Variants in GRIA2 observed in about 807,000 individuals in gnomAD.
The protein encoded by GRIA2 is glutamate receptor 2.
In GRIA2, 14 loss-of-function variants were observed where a neutral mutation model predicts 97.3. That is an observed-to-expected ratio of 0.14 (90% CI 0.10 to 0.23). The LOEUF is 0.23. Among genes scored for constraint, GRIA2 ranks in the 10% least tolerant of loss-of-function variants. The pLI is 1.00. For missense variants in GRIA2, 558 were observed against 1,069.8 expected (o/e 0.52, Z 6.67); for synonymous variants, 412 against 387.8 (o/e 1.06, Z -0.73).
Position 157,365,790 on chromosome 4 carries a change from CA to C in GRIA2, c.*2363del, listed in dbSNP as rs1560787019. 6.6e-6 allele frequency: 1 copy of C among 151,718 alleles called. No individual in the cohort carries two copies. The highest frequency in any genetic ancestry group is 2.4e-5 in the African/African-American group (1 of 41,334). The allele number at this position is 151,718 out of a possible 1,614,324, so 9.4% of individuals were successfully genotyped here. The stretch of plus-strand genomic sequence containing the variant: ...TATATAAAAACTGTTATGGAAAGAC[CA>C]AAATGTTTATGAACTATTCTTATGT... On this transcript the variant is annotated 3_prime_UTR_variant, in exon 16 of 16. Coordinates refer to ENST00000264426, the MANE Select transcript of GRIA2 (RefSeq NM_001083619.3).
chr4:157,283,685 C>G (rs1017556085), intron 2 of GRIA2, among the ~76,000 whole-genome samples: 1 of 151,806 alleles, frequency 6.6e-6, no homozygotes, highest in Non-Finnish European at 1.5e-5. Flanking sequence ...ATTCTGTAAT[C>G]TAATTTTCCT....
intron 2 of GRIA2, 137 bp downstream of exon 2, chr4:157,221,944 G>A (rs1273710370): frequency 2.0e-5 from 15 of 738,778 alleles, no homozygotes; most frequent in Admixed American, 6.8e-5. Context: ...GCACACACGC[G>A]TGCGTGTGAC....
At position 157,354,374 on chromosome 4, in the gene GRIA2, A is replaced by G. The variant is rs72962901; in HGVS notation, c.2044-5522A>G. On this transcript the variant is annotated intron_variant, in intron 12 of 15. Coordinates refer to ENST00000264426, the MANE Select transcript of GRIA2 (RefSeq NM_001083619.3). ...TATTCAGGCGTGCTTAATTTATATG[A>G]AATGTTTCTTCAACAATGCTAGACA... Among the ~76,000 whole-genome samples the G allele has an allele frequency of 2.1e-3, 315 of 152,306 alleles. 1 individual carries two copies. The highest frequency in any genetic ancestry group is 7.3e-3 in the African/African-American group (305 of 41,568).
At chr4:157,300,258 G>A (rs1733557076) in intron 2 of GRIA2, among the ~76,000 whole-genome samples, 1 of 152,018 alleles carries the variant, frequency 6.6e-6, no homozygotes, top group Admixed American at 6.5e-5. Context: ...TCTTGTGAAA[G>A]GTGTCAGTAG....
chr4:157,245,557 AG>A (rs1274124274), intron 2 of GRIA2, among the ~76,000 whole-genome samples: 1 of 152,062 alleles, frequency 6.6e-6, no homozygotes. Flanking sequence ...GTTTAGGGGA[AG>A]CTTCCTTGTA....
At chr4:157,254,539 T>C (rs935979192) in intron 2 of GRIA2, among the ~76,000 whole-genome samples, 1 of 151,944 alleles carries the variant, frequency 6.6e-6, no homozygotes, top group African/African-American at 2.4e-5. Flanking sequence ...CAACTCAATA[T>C]GAAAATGGTC....
chr4:157,241,582 C>A lies in GRIA2; in HGVS notation c.229+19775C>A, dbSNP rs564000799. On this transcript the variant is annotated intron_variant, in intron 2 of 15. Transcript: ENST00000264426. The stretch of plus-strand genomic sequence containing the variant: ...ACATAGACAAAAAAGATCATACATC[C>A]TTTTTTTCTGATATTGTAGCTTTAA... 3.3e-5 allele frequency among the ~76,000 whole-genome samples: 5 copies of A among 152,078 alleles called. No homozygotes were observed. The South Asian group carries it at 6.2e-4, about 19-fold the overall frequency.
chr4:157,323,132 G>C (rs564885930), intron 6 of GRIA2, among the ~76,000 whole-genome samples: 7 of 151,736 alleles, frequency 4.6e-5, no homozygotes, highest in Admixed American at 2.0e-4. Flanking sequence ...TCAGGAGATC[G>C]AGACCATCCT....
At chr4:157,350,140 T>G (rs1735944816) in intron 12 of GRIA2, among the ~76,000 whole-genome samples, 1 of 152,170 alleles carries the variant, frequency 6.6e-6, no homozygotes, top group Non-Finnish European at 1.5e-5. Flanking sequence ...CTAAGTATTT[T>G]CATTTATTTG....
chr4:157,230,239 A>G (rs1349483180), intron 2 of GRIA2, among the ~76,000 whole-genome samples: 1 of 151,584 alleles, frequency 6.6e-6, no homozygotes, highest in Non-Finnish European at 1.5e-5. Context: ...TATTCAAGAT[A>G]TTGCAGTAAG....
At chr4:157,227,999 T>G (rs1275358755) in intron 2 of GRIA2, among the ~76,000 whole-genome samples, 1 of 152,234 alleles carries the variant, frequency 6.6e-6, no homozygotes, top group East Asian at 1.9e-4. Context: ...ACCTATTATT[T>G]TTCAGTGCTA....
rs757498525 is a variant in GRIA2, at chr4:157,312,670, C to G, written c.470-9C>G. On this transcript the variant is annotated splice_polypyrimidine_tract_variant and intron_variant, in intron 3 of 15. Coordinates refer to ENST00000264426, the MANE Select transcript of GRIA2 (RefSeq NM_001083619.3). Reference sequence around the variant, plus strand: ...CTTTATCAGTCATCATTTTTCTTTGCCTTCCTAGGCTTATCAACACTGCAA... The same window carrying G: ...CTTTATCAGTCATCATTTTTCTTTGGCTTCCTAGGCTTATCAACACTGCAA... 4 of 1,508,628 alleles carry G rather than the reference C, an allele frequency of 2.7e-6. No homozygotes were observed. In the South Asian group the frequency reaches 3.9e-5, roughly 15 times the overall value. The allele number at this position is 1,508,628 out of a possible 1,614,324, so 93.5% of individuals were successfully genotyped here. A position where few individuals can be genotyped will look rare whatever the true frequency, so the allele number is the denominator to read the frequency against.
intron 2 of GRIA2, among the ~76,000 whole-genome samples, chr4:157,260,229 C>T (rs1233337756): frequency 6.6e-6 from 1 of 152,106 alleles, no homozygotes; most frequent in Non-Finnish European, 1.5e-5. Context: ...CATTCTCTCT[C>T]TCCCAGACAT....
chr4:157,322,463 T>C (rs950316640), intron 6 of GRIA2, among the ~76,000 whole-genome samples: 4 of 152,210 alleles, frequency 2.6e-5, no homozygotes, highest in Non-Finnish European at 4.4e-5. Context: ...TGATCTTTGT[T>C]CTCCATGGGT....
chr4:157,228,741 C>T (rs980548968), intron 2 of GRIA2, among the ~76,000 whole-genome samples: 2 of 127,318 alleles, frequency 1.6e-5, no homozygotes, highest in Non-Finnish European at 3.1e-5. Flanking sequence ...TGCAGTGAGC[C>T]GAGATAGCAC....
At chr4:157,301,338 A>G (rs1733606917) in intron 2 of GRIA2, among the ~76,000 whole-genome samples, 1 of 152,242 alleles carries the variant, frequency 6.6e-6, no homozygotes, top group South Asian at 2.1e-4. Flanking sequence ...TCAACTCTGT[A>G]CCCAGACAAG....
At chr4:157,270,974 G>A (rs759978336) in intron 2 of GRIA2, among the ~76,000 whole-genome samples, 10 of 150,890 alleles carry the variant, frequency 6.6e-5, no homozygotes, top group Non-Finnish European at 1.3e-4. Flanking sequence ...ATTTCTATGA[G>A]TTTGTTTAAA....
In GRIA2 at chr4:157,321,541, A is replaced by G; in HGVS notation, c.824A>G (p.Glu275Gly). ...GATTCGTTGGTATCTAAATTTATAG[A>G]AAGATGGTCAACACTGGAAGAAAAA... Reference protein sequence around the residue: ...YDDSLVSKFIERWSTLEEKEY... With the variant: ...YDDSLVSKFIGRWSTLEEKEY... The change falls in exon 6 of 16, where the codon GAA becomes GGA. Residue 275 changes from glutamate (E) to glycine (G), a missense_variant. Physicochemically the swap from Glu to Gly is moderately conservative, Grantham distance 98 (BLOSUM62 -2). This residue lies in a region of GRIA2 where 173 missense variants were observed against 209.1 expected (regional missense o/e 0.83). Transcript: ENST00000264426. The G allele has an allele frequency of 6.2e-7, 1 of 1,609,410 alleles. No individual in the cohort carries two copies. Among genetic ancestry groups the G allele is most frequent in the Non-Finnish European group, 8.5e-7 (1 of 1,175,866 alleles).
chr4:157,260,443 A>T (rs1203712204), intron 2 of GRIA2, among the ~76,000 whole-genome samples: 1 of 152,108 alleles, frequency 6.6e-6, no homozygotes, highest in African/African-American at 2.4e-5. Context: ...TGCCATCTGA[A>T]GCACTTTGTC....
Sources: gnomAD v4.1 joint callset for allele counts (sites outside exome capture counted in the v4.1 genomes callset) on GRCh38, gnomAD v4.1.1 for gene constraint, gnomAD v4.1.1 regional missense constraint, MANE v1.5 for transcripts, NCBI Gene and HGNC (gene_info 2026-07-23, HGNC 2026-07-21) for gene names.